PKNOX2: variants seen among roughly 807,000 people sequenced by gnomAD.
The protein encoded by PKNOX2 is PBX/knotted 1 homeobox 2.
PKNOX2 carries 14 observed loss-of-function variants against 53.1 expected under a neutral mutation model. The observed-to-expected ratio is 0.26, with a 90% CI of 0.17 to 0.41. The LOEUF is 0.41. Among genes scored for constraint, PKNOX2 ranks in the 10% least tolerant of loss-of-function variants. The probability of loss-of-function intolerance (pLI) is 1.00; values close to 1 mark genes in which losing one functional copy is unlikely to be tolerated. For missense variants in PKNOX2, 496 were observed against 602.8 expected, an observed-to-expected ratio of 0.82 and a Z score of 1.85; for synonymous variants, 257 against 242.8, an observed-to-expected ratio of 1.06 and a Z score of -0.54.
At chr11:125,309,921 C>G (rs1209394135) in intron 2 of PKNOX2, among the ~76,000 whole-genome samples, 1 of 152,202 alleles carries the variant, frequency 6.6e-6, no homozygotes, top group Non-Finnish European at 1.5e-5. Context: ...TCCTTCCAGA[C>G]TGAATTCTAC....
chr11:125,343,895 C>T (rs750027610), intron 3 of PKNOX2, among the ~76,000 whole-genome samples: 1 of 151,968 alleles, frequency 6.6e-6, no homozygotes, highest in Non-Finnish European at 1.5e-5. Flanking sequence ...AGACTGCAGG[C>T]CTGGAACTCT....
At chr11:125,286,144 G>A (rs954957808) in intron 2 of PKNOX2, among the ~76,000 whole-genome samples, 3 of 152,178 alleles carry the variant, frequency 2.0e-5, no homozygotes, top group East Asian at 1.9e-4. Context: ...CGTTCATGAC[G>A]GAGGTACTTG....
At chr11:125,192,795 C>T (rs1956958046) in intron 1 of PKNOX2, among the ~76,000 whole-genome samples, 2 of 152,194 alleles carry the variant, frequency 1.3e-5, no homozygotes, top group Non-Finnish European at 2.9e-5. Flanking sequence ...ATCTGGGTGG[C>T]ACACAGGAAA....
At chr11:125,417,205 C>T (rs1955933714) in intron 10 of PKNOX2, among the ~76,000 whole-genome samples, 1 of 152,006 alleles carries the variant, frequency 6.6e-6, no homozygotes, top group Admixed American at 6.5e-5. Context: ...GCTTCTACTC[C>T]ACCCCTTCTG....
At chr11:125,297,902 AT>A in intron 2 of PKNOX2, among the ~76,000 whole-genome samples, 1 of 152,196 alleles carries the variant, frequency 6.6e-6, no homozygotes, top group East Asian at 1.9e-4. Context: ...TCACATTTCC[AT>A]AACTCCCTGC....
At chr11:125,388,283 C>T (rs965677519) in intron 6 of PKNOX2, among the ~76,000 whole-genome samples, 13 of 152,148 alleles carry the variant, frequency 8.5e-5, no homozygotes, top group South Asian at 4.2e-4. Context: ...GGTCAGATCG[C>T]GTCATTATCA....
chr11:125,289,551 G>A (rs1314244537), intron 2 of PKNOX2, among the ~76,000 whole-genome samples: 1 of 152,046 alleles, frequency 6.6e-6, no homozygotes, highest in African/African-American at 2.4e-5. Flanking sequence ...AGTTTTTTGG[G>A]TGAGCAAACA....
At chr11:125,199,890 G>T (rs150148759) in intron 1 of PKNOX2, among the ~76,000 whole-genome samples, 1 of 152,266 alleles carries the variant, frequency 6.6e-6, no homozygotes, top group Non-Finnish European at 1.5e-5. Flanking sequence ...AACTTACTGG[G>T]TCTCTCGTTG....
In PKNOX2 at chr11:125,411,509, T is replaced by TCC. The variant is rs1410958388; in HGVS notation, c.817-231_817-230dup. ...CTCTCTCTCTCTCTCTCTCTCTCTCTCCCCCCCTTCCCCATCTCTTCCTCC... is the reference window on the plus strand; with the variant it reads ...CTCTCTCTCTCTCTCTCTCTCTCTCTCCCCCCCCCTTCCCCATCTCTTCCTCC... On this transcript the variant is annotated intron_variant, in intron 9 of 12. Coordinates refer to ENST00000298282, the MANE Select transcript of PKNOX2 (RefSeq NM_001382323.2). The TCC allele has an allele frequency of 1.2e-3, 367 of 316,698 alleles. 6 individuals are homozygous for TCC. Among genetic ancestry groups the TCC allele is most frequent in the African/African-American group, 4.3e-3 (146 of 33,684 alleles). The allele number at this position is 316,698 out of a possible 1,614,324, so 19.6% of individuals were successfully genotyped here.
chr11:125,411,957 C>T, intron 10 of PKNOX2, 92 bp downstream of exon 10: 1 of 1,576,498 alleles, frequency 6.3e-7, no homozygotes. Context: ...GGCTCCAAAC[C>T]CACAGACAGA....
chr11:125,237,026 C>T (rs557118857), intron 2 of PKNOX2, among the ~76,000 whole-genome samples: 1 of 152,290 alleles, frequency 6.6e-6, no homozygotes, highest in Non-Finnish European at 1.5e-5. Flanking sequence ...TGTCTCTGTG[C>T]CACCAGGTGC....
rs542312502 is a variant in PKNOX2, at chr11:125,209,255, C to A, written c.-200-25790C>A. Among the ~76,000 whole-genome samples the A allele has an allele frequency of 9.9e-5, 15 of 152,144 alleles. 1 individual carries two copies. The highest frequency in any genetic ancestry group is 3.6e-4 in the African/African-American group (15 of 41,522). On this transcript the variant is annotated intron_variant, in intron 1 of 12. Transcript: ENST00000298282. Reference sequence around the variant, plus strand: ...AGCAAAGTCTCTGAAACAGGCAGGGCCAAGAAGTGTCACAGGTGAGATCCT... The same window carrying A: ...AGCAAAGTCTCTGAAACAGGCAGGGACAAGAAGTGTCACAGGTGAGATCCT...
intron 2 of PKNOX2, among the ~76,000 whole-genome samples, chr11:125,272,398 T>G (rs969978010): frequency 6.6e-6 from 1 of 152,214 alleles, no homozygotes; most frequent in Non-Finnish European, 1.5e-5. Context: ...ACATCAACCC[T>G]GAGATGAATG....
chr11:125,358,686 G>A (rs867358373), intron 4 of PKNOX2, among the ~76,000 whole-genome samples: 11 of 152,222 alleles, frequency 7.2e-5, no homozygotes, highest in African/African-American at 2.4e-4. Context: ...TGGGCTGTCC[G>A]GCTCTGATGC....
At chr11:125,390,493 T>C (rs1180943611) in intron 6 of PKNOX2, among the ~76,000 whole-genome samples, 1 of 152,244 alleles carries the variant, frequency 6.6e-6, no homozygotes, top group Non-Finnish European at 1.5e-5. Flanking sequence ...TATTATCTTA[T>C]TTTCCAGGTG....
intron 2 of PKNOX2, among the ~76,000 whole-genome samples, chr11:125,328,362 T>TGAGA (rs140583326): frequency 4.5e-5 from 6 of 132,418 alleles, no homozygotes; most frequent in Non-Finnish European, 9.6e-5. Context: ...AGAGAGTGAG[T>TGAGA]GAGAGAGAGA....
intron 4 of PKNOX2, among the ~76,000 whole-genome samples, chr11:125,356,705 T>C (rs1437550248): frequency 1.3e-5 from 2 of 152,176 alleles, no homozygotes; most frequent in Admixed American, 6.5e-5. Context: ...CTTCTTTCCC[T>C]CCCTGTCCTA....
At chr11:125,374,606 C>T (rs1248095208) in intron 5 of PKNOX2, among the ~76,000 whole-genome samples, 1 of 152,218 alleles carries the variant, frequency 6.6e-6, no homozygotes, top group East Asian at 1.9e-4. Context: ...CCAGAGGCTG[C>T]AGCTGTCTTG....
intron 6 of PKNOX2, among the ~76,000 whole-genome samples, chr11:125,386,531 T>C (rs916941513): frequency 6.6e-6 from 1 of 152,190 alleles, no homozygotes; most frequent in Non-Finnish European, 1.5e-5. Flanking sequence ...CCACAATTCT[T>C]TATTTTTGTG....
Sources: allele counts gnomAD v4.1 joint callset (sites outside exome capture counted in the v4.1 genomes callset), GRCh38; gene constraint gnomAD v4.1.1; transcripts MANE v1.5; gene names NCBI Gene and HGNC (gene_info 2026-07-23, HGNC 2026-07-21).